Variants in DMTN observed in about 807,000 individuals in gnomAD.
DMTN encodes the protein dematin.
A neutral mutation model predicts 59.4 loss-of-function variants in DMTN; 27 were observed. The observed-to-expected ratio is 0.45, with a 90% CI of 0.33 to 0.63. The LOEUF is 0.63. Among genes scored for constraint, DMTN ranks in the 20% least tolerant of loss-of-function variants. The probability of loss-of-function intolerance (pLI) is 0.02; values close to 1 mark genes in which losing one functional copy is unlikely to be tolerated. For missense variants in DMTN, 451 were observed against 528.9 expected (o/e 0.85, Z 1.45); for synonymous variants, 221 against 203.7 (o/e 1.08, Z -0.72).
At chr8:22,077,783 G>C (rs1294329779) in intron 10 of DMTN, among the ~76,000 whole-genome samples, 1 of 152,130 alleles carries the variant, frequency 6.6e-6, no homozygotes, top group African/African-American at 2.4e-5. Flanking sequence ...ATCATGAACA[G>C]GCATGTCATT....
At position 22,069,055 on chromosome 8, in the gene DMTN, C is replaced by G. The variant is rs1336709527; in HGVS notation, c.289C>G (p.Pro97Ala). The G allele has an allele frequency of 6.2e-7, 1 of 1,612,388 alleles. No homozygotes were observed. The highest frequency in any genetic ancestry group is 1.3e-5 in the African/African-American group (1 of 74,824). ...SPKSTSPPPS[P>A]EVWADSRSPG... ...CAAATCCACATCCCCCCCACCATCC[C>G]CAGAGGTGAGTCTGCCCCACACCTG... Residue 97 changes from proline to alanine, a missense_variant, in exon 5 of 16, where the codon CCA becomes GCA. Pro to Ala is a conservative substitution (Grantham distance 27, BLOSUM62 -1). Transcript: ENST00000358242.
chr8:22,066,912 G>C lies in DMTN; in HGVS notation c.18+19G>C. The C allele has an allele frequency of 8.0e-7, 1 of 1,249,088 alleles. No individual in the cohort carries two copies. Among genetic ancestry groups the C allele is most frequent in the Non-Finnish European group, 1.0e-6 (1 of 996,126 alleles). 77.4% of individuals were successfully genotyped at this position (1,249,088 alleles called of 1,614,324 possible). ...GCAGAAGGTGCGCGGCGCCGCCCCGGGCCGGGGCCGCCGAGGGCGGGTGGG... is the reference window on the plus strand; with the variant it reads ...GCAGAAGGTGCGCGGCGCCGCCCCGCGCCGGGGCCGCCGAGGGCGGGTGGG... On this transcript the variant is annotated intron_variant, in intron 2 of 15. Coordinates refer to ENST00000358242, the MANE Select transcript of DMTN (RefSeq NM_001387751.1).
At chr8:22,081,068 C>A in intron 14 of DMTN, 45 bp from the exon 15 acceptor site, 1 of 1,586,392 alleles carries the variant, frequency 6.3e-7, no homozygotes, top group Non-Finnish European at 8.7e-7. Context: ...AGTCGAAGGA[C>A]AGGATATTCT....
chr8:22,074,630 C>A (rs1024476451), intron 10 of DMTN, among the ~76,000 whole-genome samples: 1 of 152,106 alleles, frequency 6.6e-6, no homozygotes, highest in African/African-American at 2.4e-5. Context: ...AGTGGGAGAG[C>A]GCATTGCAGA....
rs772641196 is a variant in DMTN, at chr8:22,060,559, G to A, written c.-172+3423G>A. On this transcript the variant is annotated intron_variant, in intron 1 of 15. Coordinates refer to ENST00000358242, the MANE Select transcript of DMTN (RefSeq NM_001387751.1). The surrounding 1 kb of genome is among the most constrained non-coding windows in gnomAD (Gnocchi z 5.0). ...CATTATGCCTTAAGGCTAGGCCCAC[G>A]TTTACGTGCAAATGCCCCACAAGGG... Among the ~76,000 whole-genome samples, 1 of 152,238 alleles carries A rather than the reference G, an allele frequency of 6.6e-6. No homozygotes were observed. The highest frequency in any genetic ancestry group is 1.5e-5 in the Non-Finnish European group (1 of 68,046).
chr8:22,061,902 C>T (rs57207458), intron 1 of DMTN, among the ~76,000 whole-genome samples: 1,799 of 151,350 alleles, frequency 0.012, 33 homozygotes, highest in African/African-American at 0.042. Flanking sequence ...CACAGATGTG[C>T]ACCACCATGC....
At chr8:22,075,309 C>CT in intron 10 of DMTN, among the ~76,000 whole-genome samples, 1 of 151,648 alleles carries the variant, frequency 6.6e-6, no homozygotes, top group South Asian at 2.1e-4. Flanking sequence ...CCTCCTCCTC[C>CT]CCCTCCCCCT....
At chr8:22,064,444 T>C (rs1478016179) in intron 1 of DMTN, among the ~76,000 whole-genome samples, 1 of 151,992 alleles carries the variant, frequency 6.6e-6, no homozygotes, top group Non-Finnish European at 1.5e-5. Context: ...CAACACCTTG[T>C]GTGACTCTGA....
intron 8 of DMTN, among the ~76,000 whole-genome samples, chr8:22,070,757 G>A (rs1814705850): frequency 6.6e-6 from 1 of 152,064 alleles, no homozygotes; most frequent in South Asian, 2.1e-4. Flanking sequence ...GTGAAGTCAG[G>A]GTTTTTATGA....
At chr8:22,063,356 TG>T (rs1247384627) in intron 1 of DMTN, among the ~76,000 whole-genome samples, 1 of 152,238 alleles carries the variant, frequency 6.6e-6, no homozygotes, top group Non-Finnish European at 1.5e-5. Context: ...CCGGCAGACC[TG>T]GATCGCCTCT....
chr8:22,066,292 G>C (rs907202527), intron 1 of DMTN, among the ~76,000 whole-genome samples: 5 of 152,214 alleles, frequency 3.3e-5, no homozygotes, highest in Admixed American at 2.6e-4. Flanking sequence ...GCAGAAGCCG[G>C]GCTGCTCAGG....
chr8:22,052,833 G>A (rs1042743660), upstream of DMTN, among the ~76,000 whole-genome samples: 1 of 152,154 alleles, frequency 6.6e-6, no homozygotes, highest in Non-Finnish European at 1.5e-5. Flanking sequence ...ATGTTCCCAT[G>A]TAGCACATGT....
At position 22,081,197 on chromosome 8, in the gene DMTN, G is replaced by C. The variant is rs1824045880; in HGVS notation, c.1104+4G>C. 2 of 1,613,470 alleles carry C rather than the reference G, an allele frequency of 1.2e-6. No homozygotes were observed. On this transcript the variant is annotated splice_donor_region_variant and intron_variant, in intron 15 of 15. Coordinates refer to ENST00000358242, the MANE Select transcript of DMTN (RefSeq NM_001387751.1). ...GGTGGATCGGATGCGGCTTGAGGTA[G>C]GCAAGGAAGATGCCCTGGATGGGTG...
At chr8:22,079,301 T>TG (rs199745360) in intron 10 of DMTN, among the ~76,000 whole-genome samples, 4 of 84,936 alleles carry the variant, frequency 4.7e-5, no homozygotes, top group South Asian at 7.8e-4. Flanking sequence ...TATATATATA[T>TG]TAGCTGGGTT....
Position 22,081,931 on chromosome 8 carries a change from T to C in DMTN, c.*468T>C, listed in dbSNP as rs1414300441. ...GCTTTCCTGCACTGCAGCCTCCTGC[T>C]CCTCTGACTCTAGTGGGAACAGGCC... On this transcript the variant is annotated 3_prime_UTR_variant, in exon 16 of 16. Transcript: ENST00000358242. 6.7e-6 allele frequency: 3 copies of C among 449,230 alleles called. No homozygotes were observed. Among genetic ancestry groups the C allele is most frequent in the African/African-American group, 4.2e-5 (2 of 47,346 alleles). 27.8% of individuals were successfully genotyped at this position (449,230 alleles called of 1,614,324 possible).
intron 10 of DMTN, among the ~76,000 whole-genome samples, chr8:22,079,301 T>TATA (rs199745360): frequency 4.7e-5 from 4 of 84,890 alleles, no homozygotes; most frequent in East Asian, 3.2e-4. Flanking sequence ...TATATATATA[T>TATA]TAGCTGGGTT....
chr8:22,068,680 A>C lies in DMTN; in HGVS notation c.250-336A>C, dbSNP rs552856432. On this transcript the variant is annotated intron_variant, in intron 4 of 15. Transcript: ENST00000358242. ...GAGGAAGGCAGGGAAAGAAAGAAAA[A>C]GGACAAAGGAAGTAGGAAAAAATTA... Among the ~76,000 whole-genome samples the C allele has an allele frequency of 1.2e-4, 18 of 152,108 alleles. No homozygotes were observed. In the South Asian group the frequency reaches 3.7e-3, roughly 32 times the overall value.
chr8:22,061,359 A>G (rs1806304878), intron 1 of DMTN, among the ~76,000 whole-genome samples: 1 of 152,182 alleles, frequency 6.6e-6, no homozygotes, highest in Non-Finnish European at 1.5e-5. Context: ...TGTAACACAG[A>G]CGTTCTATAA....
upstream of DMTN, among the ~76,000 whole-genome samples, chr8:22,051,337 G>C (rs542757779): frequency 1.7e-4 from 26 of 152,278 alleles, no homozygotes; most frequent in African/African-American, 6.3e-4. Flanking sequence ...GCAGAGGGGA[G>C]CCAAGCAGGT....
Sources: allele counts gnomAD v4.1 joint callset (sites outside exome capture counted in the v4.1 genomes callset), GRCh38; gene constraint gnomAD v4.1.1; non-coding constraint Gnocchi (gnomAD v3.1); transcripts MANE v1.5; gene names NCBI Gene and HGNC (gene_info 2026-07-23, HGNC 2026-07-21).